The following RABGAP1L variants were observed in gnomAD, a reference collection of about 807,000 sequenced individuals.
RABGAP1L encodes the protein rab GTPase-activating protein 1-like.
In RABGAP1L, 63 loss-of-function variants were observed where a neutral mutation model predicts 137.7. That is an observed-to-expected ratio of 0.46 (90% CI 0.37 to 0.56). The LOEUF (loss-of-function observed/expected upper bound fraction) is 0.56, where lower values mean the gene tolerates loss of function less well. Among genes scored for constraint, RABGAP1L ranks in the 20% least tolerant of loss-of-function variants. The pLI is 0.00. For missense variants in RABGAP1L, 1,095 were observed against 1,244.0 expected, an observed-to-expected ratio of 0.88 and a Z score of 1.80; for synonymous variants, 431 against 433.7, an observed-to-expected ratio of 0.99 and a Z score of 0.08.
chr1:174,727,825 A>T (rs956359437), intron 17 of RABGAP1L, among the ~76,000 whole-genome samples: 2 of 152,184 alleles, frequency 1.3e-5, no homozygotes, highest in Non-Finnish European at 2.9e-5. Context: ...CTTAAAATAA[A>T]TTTTTTTAAA....
intron 19 of RABGAP1L, among the ~76,000 whole-genome samples, chr1:174,946,081 ATTCT>A (rs1666708068): frequency 1.3e-5 from 2 of 148,952 alleles, no homozygotes; most frequent in South Asian, 4.3e-4. Flanking sequence ...AAGTAAAGGT[ATTCT>A]TTCTTTTTCT....
intron 18 of RABGAP1L, among the ~76,000 whole-genome samples, chr1:174,757,761 G>A (rs1318855452): frequency 6.6e-6 from 1 of 151,714 alleles, no homozygotes; most frequent in African/African-American, 2.4e-5. Flanking sequence ...AGTTTGGAGG[G>A]GCTTATATAA....
At chr1:174,516,011 T>C (rs951862143) in intron 13 of RABGAP1L, among the ~76,000 whole-genome samples, 5 of 151,994 alleles carry the variant, frequency 3.3e-5, no homozygotes, top group Non-Finnish European at 5.9e-5. Context: ...ACAGTAATAA[T>C]GATAGTTCCT....
At chr1:174,456,023 T>C (rs1656004925) in intron 13 of RABGAP1L, among the ~76,000 whole-genome samples, 1 of 152,120 alleles carries the variant, frequency 6.6e-6, no homozygotes, top group African/African-American at 2.4e-5. Context: ...TGACCTGATA[T>C]TTCTTTCTTG....
chr1:174,279,774 T>A (rs1158263217), intron 10 of RABGAP1L, among the ~76,000 whole-genome samples: 1 of 152,160 alleles, frequency 6.6e-6, no homozygotes, highest in Non-Finnish European at 1.5e-5. Context: ...CCTGAGCATC[T>A]TTTAATATTT....
At position 174,957,879 on chromosome 1, in the gene RABGAP1L, C is replaced by A. The variant is rs369209151; in HGVS notation, c.2433+330C>A. On this transcript the variant is annotated intron_variant, in intron 20 of 25. Coordinates refer to ENST00000681986, the MANE Select transcript of RABGAP1L (RefSeq NM_001366446.1). ...TCCCAAATAGCCAACCATAATATTTCTTTTCTTTCAGTTTGTATATTTGTA... is the reference window on the plus strand; with the variant it reads ...TCCCAAATAGCCAACCATAATATTTATTTTCTTTCAGTTTGTATATTTGTA... 5.7e-6 allele frequency: 9 copies of A among 1,570,680 alleles called. No individual in the cohort carries two copies. In the East Asian group the frequency reaches 9.0e-5, roughly 16 times the overall value.
At chr1:174,733,710 A>G (rs1212349983) in intron 17 of RABGAP1L, among the ~76,000 whole-genome samples, 1 of 152,244 alleles carries the variant, frequency 6.6e-6, no homozygotes, top group Non-Finnish European at 1.5e-5. Flanking sequence ...CTAATAAAAC[A>G]TAATATCTAA....
At chr1:174,558,887 A>G (rs1667042490) in intron 13 of RABGAP1L, among the ~76,000 whole-genome samples, 4 of 152,192 alleles carry the variant, frequency 2.6e-5, no homozygotes, top group Admixed American at 2.6e-4. Flanking sequence ...ACAAATGTAG[A>G]TGTATTTCTC....
intron 25 of RABGAP1L, among the ~76,000 whole-genome samples, 166 bp downstream of exon 25, chr1:174,989,004 G>A (rs1671843940): frequency 6.6e-6 from 1 of 151,968 alleles, no homozygotes; most frequent in Non-Finnish European, 1.5e-5. Context: ...TATTCTTAAC[G>A]CTGATATAAA....
chr1:174,341,722 T>A (rs573635655), intron 11 of RABGAP1L, among the ~76,000 whole-genome samples: 7 of 152,166 alleles, frequency 4.6e-5, no homozygotes, highest in Non-Finnish European at 1.0e-4. Flanking sequence ...AAAATTTCAT[T>A]CTTATCTTTG....
At chr1:174,967,661 T>A (rs547734879) in intron 20 of RABGAP1L, among the ~76,000 whole-genome samples, 82 of 151,896 alleles carry the variant, frequency 5.4e-4, no homozygotes, top group African/African-American at 1.9e-3. Flanking sequence ...TTTTTAAAAA[T>A]TTTTTTGTAG....
At chr1:174,785,624 C>G (rs542356521) in intron 18 of RABGAP1L, among the ~76,000 whole-genome samples, 1 of 152,298 alleles carries the variant, frequency 6.6e-6, no homozygotes, top group South Asian at 2.1e-4. Context: ...AAAGCTGACT[C>G]TGGTATTTGG....
intron 11 of RABGAP1L, among the ~76,000 whole-genome samples, chr1:174,315,123 C>A (rs1331448329): frequency 6.6e-6 from 1 of 152,076 alleles, no homozygotes; most frequent in Non-Finnish European, 1.5e-5. Flanking sequence ...GTTTATCTTT[C>A]TCTTTAGCTC....
chr1:174,248,969 T>G (rs1672487556), intron 5 of RABGAP1L, among the ~76,000 whole-genome samples: 1 of 152,134 alleles, frequency 6.6e-6, no homozygotes, highest in South Asian at 2.1e-4. Context: ...GGCTGAGAGA[T>G]TTGGAGAATC....
chr1:174,565,526 GCTTCTACTTTCTCTTATGTTCTCCC>G (rs773688080), intron 13 of RABGAP1L, among the ~76,000 whole-genome samples: 2 of 151,860 alleles, frequency 1.3e-5, no homozygotes, highest in Non-Finnish European at 2.9e-5. Flanking sequence ...GCTTATCTTG[GCTTCTACTTTCTCTTATGTTCTCCC>G]CTGAATTCCT....
At chr1:174,169,327 A>G (rs1185688366) in intron 1 of RABGAP1L, among the ~76,000 whole-genome samples, 1 of 151,496 alleles carries the variant, frequency 6.6e-6, no homozygotes, top group Non-Finnish European at 1.5e-5. Context: ...CCCAGGTTCA[A>G]GCAATTCTCC....
intron 19 of RABGAP1L, among the ~76,000 whole-genome samples, chr1:174,929,582 C>A (rs1216314627): frequency 4.6e-5 from 7 of 151,598 alleles, no homozygotes; most frequent in Admixed American, 2.6e-4. Context: ...TCTCCAGAAG[C>A]AAATTTTAAA....
chr1:174,635,489 A>G (rs1453044593), intron 13 of RABGAP1L, among the ~76,000 whole-genome samples: 1 of 152,210 alleles, frequency 6.6e-6, no homozygotes, highest in Admixed American at 6.5e-5. Context: ...GAAATGTTTC[A>G]TAATATATCA....
chr1:174,501,698 G>GT (rs539721416), intron 13 of RABGAP1L, among the ~76,000 whole-genome samples: 5 of 151,814 alleles, frequency 3.3e-5, no homozygotes, highest in African/African-American at 1.2e-4. Context: ...TTTACTTTTT[G>GT]TTTTTTTAAA....
Sources: allele counts gnomAD v4.1 joint callset (sites outside exome capture counted in the v4.1 genomes callset), GRCh38; gene constraint gnomAD v4.1.1; transcripts MANE v1.5; gene names NCBI Gene and HGNC (gene_info 2026-07-23, HGNC 2026-07-21).